Variants in LRRC47 observed in about 807,000 individuals in gnomAD.
The protein encoded by LRRC47 is leucine-rich repeat-containing protein 47.
A neutral mutation model predicts 40.9 loss-of-function variants in LRRC47; 31 were observed. The observed-to-expected ratio is 0.76, with a 90% CI of 0.57 to 1.02. The LOEUF is 1.02. Ranked by LOEUF, LRRC47 falls within the 50% of genes least tolerant of loss-of-function variation. LRRC47 has a pLI of 0.00. For missense variants in LRRC47, 726 were observed against 796.1 expected (o/e 0.91, Z 1.06); for synonymous variants, 427 against 371.9 (o/e 1.15, Z -1.70).
In LRRC47 at chr1:3,796,162, G is replaced by C; in HGVS notation, c.315C>G (p.Asp105Glu). 2 of 1,442,754 alleles carry C rather than the reference G, an allele frequency of 1.4e-6. No individual in the cohort carries two copies. The highest frequency in any genetic ancestry group is 2.8e-5 in the Admixed American group (1 of 35,976). 89.4% of individuals were successfully genotyped at this position (1,442,754 alleles called of 1,614,324 possible). ...LGPLPALRVL[D>E]LSGNALEALP... Reference sequence around the variant, plus strand: ...GCGCCTCCAGCGCGTTGCCCGACAGGTCGAGCACCCGAAGGGCAGGCAGCG... The same window carrying C: ...GCGCCTCCAGCGCGTTGCCCGACAGCTCGAGCACCCGAAGGGCAGGCAGCG... Residue 105 changes from aspartate to glutamate, a missense_variant, in exon 1 of 7, where the codon GAC becomes GAG. Physicochemically the swap from Asp to Glu is conservative, Grantham distance 45. Coordinates refer to ENST00000378251, the MANE Select transcript of LRRC47 (RefSeq NM_020710.3).
At position 3,787,310 on chromosome 1, in the gene LRRC47, T is replaced by A; in HGVS notation, c.616A>T (p.Thr206Ser). The change falls in exon 2 of 7, where the codon ACG (threonine) becomes TCG (serine). Residue 206 changes from threonine to serine, a missense_variant and splice_region_variant. Coordinates refer to ENST00000378251, the MANE Select transcript of LRRC47 (RefSeq NM_020710.3). ...PDIAHLASLK[T>S]LDLSNNQLSE... ...AGCTGGTTGTTCGAGAGGTCCAACG[T>A]CTGCAAAGAGAAACATGGACGCGTC... 1 of 1,607,532 alleles carries A rather than the reference T, an allele frequency of 6.2e-7. No homozygotes were observed. The highest frequency in any genetic ancestry group is 8.5e-7 in the Non-Finnish European group (1 of 1,178,098).
chr1:3,781,205 G>A lies in LRRC47; in HGVS notation c.1635C>T (p.Pro545=). 1.2e-6 allele frequency: 2 copies of A among 1,614,210 alleles called. No homozygotes were observed. Among genetic ancestry groups the A allele is most frequent in the South Asian group, 2.2e-5 (2 of 91,086 alleles). The change falls in exon 7 of 7, where the codon CCC becomes CCT. Residue 545 remains proline (P), a synonymous_variant. Coordinates refer to ENST00000378251, the MANE Select transcript of LRRC47 (RefSeq NM_020710.3). ...TTNPSAGKDG[P]SLLVVEQVRV... ...GGACCTGCTCCACCACCAGAAGGGA[G>A]GGCCCGTCCTTTCCAGCACTGGGAT...
intron 2 of LRRC47, among the ~76,000 whole-genome samples, chr1:3,786,201 C>T (rs1643570717): frequency 6.6e-6 from 1 of 152,166 alleles, no homozygotes; most frequent in South Asian, 2.1e-4. Context: ...ATAAAGCTAT[C>T]CAGAAATTAG....
chr1:3,783,867 T>C (rs1299459634), intron 4 of LRRC47, 129 bp downstream of exon 4: 6 of 696,064 alleles, frequency 8.6e-6, no homozygotes, highest in East Asian at 5.5e-5. Context: ...GCTTTCTTTG[T>C]ACCCTGTTAA....
chr1:3,781,433 C>A, intron 6 of LRRC47, 79 bp downstream of exon 6: 1 of 1,573,260 alleles, frequency 6.4e-7, no homozygotes, highest in Admixed American at 1.7e-5. Context: ...AAGAGGCAAG[C>A]AGGACGGGTG....
Position 3,795,889 on chromosome 1 carries a change from G to C in LRRC47, c.588C>G (p.Pro196=), listed in dbSNP as rs899871591. ...AADNCLRELS[P]DIAHLASLKT... is the part of the protein sequence containing the mutation. The stretch of plus-strand genomic sequence containing the variant: ...TGAGCGAGGCCAGGTGGGCGATGTC[G>C]GGGCTGAGTTCTCGGAGGCAGTTGT... The change falls in exon 1 of 7, where the codon CCC becomes CCG. Residue 196 remains proline (P), a synonymous_variant. Coordinates refer to ENST00000378251, the MANE Select transcript of LRRC47 (RefSeq NM_020710.3). 3 of 1,594,676 alleles carry C rather than the reference G, an allele frequency of 1.9e-6. No individual in the cohort carries two copies. The highest frequency in any genetic ancestry group is 2.7e-5 in the African/African-American group (2 of 73,980).
Position 3,787,249 on chromosome 1 carries a change from T to G in LRRC47, c.677A>C (p.Lys226Thr), listed in dbSNP as rs1409963455. Reference protein sequence around the residue: ...EIPAELADCPKLKEINFRGNK... With the variant: ...EIPAELADCPTLKEINFRGNK... ...CCCACGGAAATTGATCTCCTTGAGC[T>G]TGGGGCAGTCCGCAAGCTCTGCAGG... The change falls in exon 2 of 7, where the codon AAG (lysine) becomes ACG (threonine). Residue 226 changes from lysine (K) to threonine (T), a missense_variant. Transcript: ENST00000378251. The G allele has an allele frequency of 6.2e-7, 1 of 1,613,594 alleles. No homozygotes were observed. The highest frequency in any genetic ancestry group is 2.2e-5 in the East Asian group (1 of 44,886).
intron 1 of LRRC47, among the ~76,000 whole-genome samples, chr1:3,790,660 C>T (rs1334290312): frequency 6.6e-6 from 1 of 152,260 alleles, no homozygotes; most frequent in East Asian, 1.9e-4. Flanking sequence ...GGCCAGGACA[C>T]TGGGGAAGCC....
Position 3,796,270 on chromosome 1 carries a change from G to A in LRRC47, c.207C>T (p.Gly69=). The change falls in exon 1 of 7, where the codon GGC becomes GGT. Residue 69 remains glycine, a synonymous_variant. Transcript: ENST00000378251. ...GCGSLRAPGP[G]LAQGLPQLHS... ...GCAGCTGCGGCAGGCCCTGCGCCAG[G>A]CCAGGCCCCGGCGCGCGCAAGCTCC... 3.4e-6 allele frequency: 5 copies of A among 1,476,016 alleles called. No homozygotes were observed. Among genetic ancestry groups the A allele is most frequent in the Non-Finnish European group, 4.5e-6 (5 of 1,121,946 alleles). 91.4% of individuals were successfully genotyped at this position (1,476,016 alleles called of 1,614,324 possible).
chr1:3,780,879 G>C lies in LRRC47; in HGVS notation c.*209C>G. 4.5e-6 allele frequency: 3 copies of C among 661,460 alleles called. No homozygotes were observed. The highest frequency in any genetic ancestry group is 5.8e-5 in the East Asian group (2 of 34,318). 41.0% of individuals were successfully genotyped at this position (661,460 alleles called of 1,614,324 possible). On this transcript the variant is annotated 3_prime_UTR_variant, in exon 7 of 7. Transcript: ENST00000378251. The stretch of plus-strand genomic sequence containing the variant: ...TAGTCCCAGCTACTTGGGAGGCTGA[G>C]GCAGGAGAATCGCTTGAACCCAGGA...
Position 3,782,677 on chromosome 1 carries a change from T to C in LRRC47, c.1397A>G (p.Asn466Ser). 7 of 1,599,210 alleles carry C rather than the reference T, an allele frequency of 4.4e-6. No homozygotes were observed. Among genetic ancestry groups the C allele is most frequent in the Middle Eastern group, 1.7e-4 (1 of 6,036 alleles). ...CCACCCTACCTTTGTCTTCTCACTG[T>C]TGGTTATTGGTGGGAAGGAAATCAC... Reference protein sequence around the residue: ...GDVISFPPITNSEKTKVKKTT... With the variant: ...GDVISFPPITSSEKTKVKKTT... Residue 466 changes from asparagine to serine, a missense_variant, in exon 5 of 7, where the codon AAC becomes AGC. By Grantham distance (46) the Asn-to-Ser change is conservative. Coordinates refer to ENST00000378251, the MANE Select transcript of LRRC47 (RefSeq NM_020710.3).
intron 4 of LRRC47, among the ~76,000 whole-genome samples, chr1:3,783,350 G>A (rs1347285742): frequency 6.6e-6 from 1 of 151,184 alleles, no homozygotes; most frequent in Non-Finnish European, 1.5e-5. Context: ...AACCTAGGAG[G>A]TGGAGGTTGC....
At chr1:3,790,963 A>G (rs1643621461) in intron 1 of LRRC47, among the ~76,000 whole-genome samples, 2 of 152,220 alleles carry the variant, frequency 1.3e-5, no homozygotes, top group Admixed American at 1.3e-4. Context: ...GCTCGCACTT[A>G]GTTAACCCAC....
chr1:3,795,736 T>G, intron 1 of LRRC47, 126 bp downstream of exon 1: 3 of 1,267,046 alleles, frequency 2.4e-6, no homozygotes, highest in Non-Finnish European at 2.1e-6. Flanking sequence ...CTTTCAGCCT[T>G]GTAGGAATTC....
In LRRC47 at chr1:3,778,624, A is replaced by G. The variant is rs1320594914; in HGVS notation, c.*2464T>C. The G allele has an allele frequency of 6.5e-6, 1 of 153,576 alleles. No individual in the cohort carries two copies. The highest frequency in any genetic ancestry group is 2.4e-5 in the African/African-American group (1 of 41,450). 9.5% of individuals were successfully genotyped at this position (153,576 alleles called of 1,614,324 possible). The stretch of plus-strand genomic sequence containing the variant: ...GTGGGGTGAAGAAAACATCAGAGAC[A>G]CCTGTGCTGCGAGTTAAATACATTT... On this transcript the variant is annotated 3_prime_UTR_variant, in exon 7 of 7. Transcript: ENST00000378251.
intron 1 of LRRC47, among the ~76,000 whole-genome samples, chr1:3,788,217 C>T (rs1293612924): frequency 2.0e-5 from 3 of 152,268 alleles, no homozygotes; most frequent in African/African-American, 7.2e-5. Context: ...CTGCTCTTTC[C>T]TGGCTTGGTA....
chr1:3,796,190 C>A lies in LRRC47; in HGVS notation c.287G>T (p.Gly96Val). 1 of 1,436,984 alleles carries A rather than the reference C, an allele frequency of 7.0e-7. No individual in the cohort carries two copies. The highest frequency in any genetic ancestry group is 9.1e-7 in the Non-Finnish European group (1 of 1,101,516). The allele number at this position is 1,436,984 out of a possible 1,614,324, so 89.0% of individuals were successfully genotyped here. A position where few individuals can be genotyped will look rare whatever the true frequency, so the allele number is the denominator to read the frequency against. Reference protein sequence around the residue: ...ALGPGLSPELGPLPALRVLDL... With the variant: ...ALGPGLSPELVPLPALRVLDL... ...GAGCACCCGAAGGGCAGGCAGCGGC[C>A]CGAGCTCGGGGCTCAGGCCGGGCCC... The change falls in exon 1 of 7, where the codon GGG (glycine) becomes GTG (valine). Residue 96 changes from glycine to valine, a missense_variant. Coordinates refer to ENST00000378251, the MANE Select transcript of LRRC47 (RefSeq NM_020710.3).
At position 3,780,039 on chromosome 1, in the gene LRRC47, A is replaced by T. The variant is rs1281688971; in HGVS notation, c.*1049T>A. Reference sequence around the variant, plus strand: ...ACATGCCAAGCTGCATCCTGGCATGATATGGTTTTACAAGATGCTGCGTCA... The same window carrying T: ...ACATGCCAAGCTGCATCCTGGCATGTTATGGTTTTACAAGATGCTGCGTCA... On this transcript the variant is annotated 3_prime_UTR_variant, in exon 7 of 7. Coordinates refer to ENST00000378251, the MANE Select transcript of LRRC47 (RefSeq NM_020710.3). The T allele has an allele frequency of 1.3e-5, 2 of 152,108 alleles. No individual in the cohort carries two copies. The highest frequency in any genetic ancestry group is 2.9e-5 in the Non-Finnish European group (2 of 68,010). 9.4% of individuals were successfully genotyped at this position (152,108 alleles called of 1,614,324 possible).
At position 3,780,795 on chromosome 1, in the gene LRRC47, G is replaced by T; in HGVS notation, c.*293C>A. 1 of 368,486 alleles carries T rather than the reference G, an allele frequency of 2.7e-6. No homozygotes were observed. The highest frequency in any genetic ancestry group is 2.1e-5 in the African/African-American group (1 of 48,008). The allele number at this position is 368,486 out of a possible 1,614,324, so 22.8% of individuals were successfully genotyped here. On this transcript the variant is annotated 3_prime_UTR_variant, in exon 7 of 7. Transcript: ENST00000378251. ...GATCAAGACCATCCTGGTCAAAATG[G>T]TGAAACCCCGTCTCTACTAAAAATA...
Sources: gnomAD v4.1 joint callset for allele counts (sites outside exome capture counted in the v4.1 genomes callset) on GRCh38, gnomAD v4.1.1 for gene constraint, MANE v1.5 for transcripts, NCBI Gene and HGNC (gene_info 2026-07-23, HGNC 2026-07-21) for gene names.